The following TSEN2 variants were observed in gnomAD, a reference collection of about 807,000 sequenced individuals.
The protein encoded by TSEN2 is tRNA-splicing endonuclease subunit Sen2.
In TSEN2, 54 loss-of-function variants were observed where a neutral mutation model predicts 59.2. The observed-to-expected ratio is 0.91, with a 90% CI of 0.73 to 1.14. TSEN2 has a LOEUF of 1.14. Among genes scored for constraint, TSEN2 ranks in the 50% most tolerant of loss-of-function variants. The probability of loss-of-function intolerance (pLI) is 0.00; values close to 1 mark genes in which losing one functional copy is unlikely to be tolerated. For synonymous variants in TSEN2, 195 were observed against 198.2 expected (o/e 0.98, Z 0.14); for missense variants, 636 against 576.2 (o/e 1.10, Z -1.06).
chr3:12,508,091 A>G (rs2055032751), intron 6 of TSEN2, among the ~76,000 whole-genome samples: 1 of 152,170 alleles, frequency 6.6e-6, no homozygotes, highest in African/African-American at 2.4e-5. Flanking sequence ...CAGAGCTAGC[A>G]TCAGTATGGA....
downstream of TSEN2, among the ~76,000 whole-genome samples, chr3:12,534,985 A>C (rs1400031085): frequency 6.6e-6 from 1 of 152,028 alleles, no homozygotes; most frequent in East Asian, 1.9e-4. Context: ...AAAAACAAAA[A>C]AAACCTGAAG....
At chr3:12,492,289 G>C in intron 3 of TSEN2, 72 bp downstream of exon 3, 1 of 1,331,644 alleles carries the variant, frequency 7.5e-7, no homozygotes, top group African/African-American at 1.4e-5. Context: ...TTATATCTCA[G>C]GCTATATAGT....
chr3:12,502,683 T>G (rs1361658977), intron 4 of TSEN2, among the ~76,000 whole-genome samples: 3 of 144,742 alleles, frequency 2.1e-5, no homozygotes, highest in African/African-American at 8.1e-5. Context: ...TTTTGTTTTT[T>G]TTTTTGTTTT....
At chr3:12,515,699 A>C (rs1407816321) in intron 6 of TSEN2, among the ~76,000 whole-genome samples, 2 of 152,182 alleles carry the variant, frequency 1.3e-5, no homozygotes. Flanking sequence ...ACTATATTCA[A>C]CTGGAGCCAA....
chr3:12,524,909 A>G (rs1353727833), intron 8 of TSEN2, among the ~76,000 whole-genome samples: 1 of 151,748 alleles, frequency 6.6e-6, no homozygotes, highest in Non-Finnish European at 1.5e-5. Flanking sequence ...TGCTTGAGCT[A>G]ACATTTGTAT....
chr3:12,516,495 TTGA>T lies in TSEN2; in HGVS notation c.910-109_910-107del, dbSNP rs1559336041. 3.2e-5 allele frequency: 26 copies of T among 821,208 alleles called. No individual in the cohort carries two copies. The Middle Eastern group carries it at 8.4e-4, about 26-fold the overall frequency. The allele number at this position is 821,208 out of a possible 1,614,324, so 50.9% of individuals were successfully genotyped here. On this transcript the variant is annotated intron_variant, in intron 6 of 11. Transcript: ENST00000284995. ...GTGTGTGTGTGTGTGTGTGACCTTT[TTGA>T]TGATGACTTAAGAGCATTTGTATTT...
upstream of TSEN2, among the ~76,000 whole-genome samples, chr3:12,481,462 T>C (rs1228772778): frequency 6.6e-6 from 1 of 152,182 alleles, no homozygotes; most frequent in Non-Finnish European, 1.5e-5. Context: ...CATAAATAAG[T>C]ATGCTTTTTT....
chr3:12,494,567 A>G (rs1384128558), intron 3 of TSEN2, among the ~76,000 whole-genome samples: 2 of 151,690 alleles, frequency 1.3e-5, no homozygotes, highest in Non-Finnish European at 2.9e-5. Flanking sequence ...TGCCCGGCTA[A>G]TTTTTGTATT....
intron 3 of TSEN2, among the ~76,000 whole-genome samples, chr3:12,493,360 G>T (rs539395616): frequency 1.3e-5 from 2 of 152,088 alleles, no homozygotes; most frequent in African/African-American, 2.4e-5. Context: ...CACATTGACC[G>T]CATCATTGTA....
chr3:12,485,414 G>T (rs1369374036), intron 1 of TSEN2, among the ~76,000 whole-genome samples: 1 of 152,186 alleles, frequency 6.6e-6, no homozygotes, highest in East Asian at 1.9e-4. Flanking sequence ...GGTTGCGCAG[G>T]TTGGGGAAAT....
rs758751912 is a variant in TSEN2 at position 12,494,561 on chromosome 3, C to T, written c.272-1957C>T. Among the ~76,000 whole-genome samples the T allele has an allele frequency of 9.2e-5, 14 of 151,880 alleles. No homozygotes were observed. The South Asian group carries it at 2.7e-3, about 29-fold the overall frequency. ...GATTACAGGTGTATCCCACCATGCC[C>T]GGCTAATTTTTGTATTTTTAGTAGA... On this transcript the variant is annotated intron_variant, in intron 3 of 11. Transcript: ENST00000284995.
Position 12,532,971 on chromosome 3 carries a change from C to T in TSEN2, c.*250C>T. 1 of 560,230 alleles carries T rather than the reference C, an allele frequency of 1.8e-6. No homozygotes were observed. The highest frequency in any genetic ancestry group is 3.2e-6 in the Non-Finnish European group (1 of 315,342). 34.7% of individuals were successfully genotyped at this position (560,230 alleles called of 1,614,324 possible). A position where few individuals can be genotyped will look rare whatever the true frequency, so the allele number is the denominator to read the frequency against. On this transcript the variant is annotated 3_prime_UTR_variant, in exon 12 of 12. Transcript: ENST00000284995. ...ATCCAGAGCCTCCTGCCTCTGGCGT[C>T]AGTCTTTTCCCTCATCCACTCACTG...
chr3:12,513,509 T>C (rs2055721258), intron 6 of TSEN2, among the ~76,000 whole-genome samples: 1 of 152,214 alleles, frequency 6.6e-6, no homozygotes, highest in Non-Finnish European at 1.5e-5. Context: ...TCTTATTAAA[T>C]ATTTAGCTAA....
At chr3:12,525,541 C>CT (rs1417972516) in intron 8 of TSEN2, among the ~76,000 whole-genome samples, 4 of 146,542 alleles carry the variant, frequency 2.7e-5, no homozygotes, top group African/African-American at 1.0e-4. Flanking sequence ...TCTTTCAGAC[C>CT]TTATTTTTAC....
At chr3:12,493,074 C>T (rs564713773) in intron 3 of TSEN2, among the ~76,000 whole-genome samples, 1 of 152,260 alleles carries the variant, frequency 6.6e-6, no homozygotes, top group East Asian at 1.9e-4. Flanking sequence ...AGCATATTTT[C>T]GAGGTTTGTC....
At chr3:12,490,558 A>G (rs299640) in intron 2 of TSEN2, among the ~76,000 whole-genome samples, 75,592 of 152,136 alleles carry the variant, frequency 0.5, 19,870 homozygotes, top group African/African-American at 0.64. Flanking sequence ...AAAATTTTCC[A>G]TAATCTGTTC....
intron 6 of TSEN2, among the ~76,000 whole-genome samples, chr3:12,513,665 G>T (rs928497985): frequency 2.0e-5 from 3 of 152,164 alleles, no homozygotes; most frequent in Non-Finnish European, 4.4e-5. Flanking sequence ...GAACCAAGAA[G>T]TGCAAATTGT....
Position 12,508,605 on chromosome 3 carries a change from A to G in TSEN2, c.909+3374A>G, listed in dbSNP as rs2055087471. On this transcript the variant is annotated intron_variant, in intron 6 of 11. Transcript: ENST00000284995. ...ACTTAGAAGTCTGCTCAGCGCTGAC[A>G]TGGGAAGCTTTTAGTCTGCAACCTT... 5.3e-5 allele frequency among the ~76,000 whole-genome samples: 8 copies of G among 152,298 alleles called. No homozygotes were observed. The South Asian group carries it at 1.7e-3, about 32-fold the overall frequency.
intron 8 of TSEN2, among the ~76,000 whole-genome samples, chr3:12,525,201 G>A (rs2056981761): frequency 6.6e-6 from 1 of 152,176 alleles, no homozygotes; most frequent in Non-Finnish European, 1.5e-5. Context: ...TAGGTGATGT[G>A]TGTGCTTATT....
Sources: gnomAD v4.1 joint callset for allele counts (sites outside exome capture counted in the v4.1 genomes callset) on GRCh38, gnomAD v4.1.1 for gene constraint, MANE v1.5 for transcripts, NCBI Gene and HGNC (gene_info 2026-07-23, HGNC 2026-07-21) for gene names.